The following SLC25A45 variants were observed in gnomAD, a reference collection of about 807,000 sequenced individuals.
SLC25A45 encodes methylated amino-acid transporter SLC25A45.
Under a neutral mutation model 23.0 loss-of-function variants are expected in SLC25A45, and 22 were observed. That is an observed-to-expected ratio of 0.95 (90% confidence interval 0.68 to 1.36). SLC25A45 has a LOEUF of 1.36. Among genes scored for constraint, SLC25A45 ranks in the 40% most tolerant of loss-of-function variants. The probability of loss-of-function intolerance (pLI) is 0.00; values close to 1 mark genes in which losing one functional copy is unlikely to be tolerated. For synonymous variants in SLC25A45, 136 were observed against 155.0 expected (o/e 0.88, Z 0.91); for missense variants, 355 against 383.5 (o/e 0.93, Z 0.62).
chr11:65,379,509 A>G lies in SLC25A45; in HGVS notation c.206T>C (p.Val69Ala). The G allele has an allele frequency of 1.2e-6, 2 of 1,613,902 alleles. No individual in the cohort carries two copies. Among genetic ancestry groups the G allele is most frequent in the Non-Finnish European group, 1.7e-6 (2 of 1,179,806 alleles). ...ATAGACCCCAAACAGGACAGAGTTG[A>G]CCACAGCTATGCTGGCAATGGGGAA... Reference protein sequence around the residue: ...MSFPIASIAVVNSVLFGVYSN... With the variant: ...MSFPIASIAVANSVLFGVYSN... The change falls in exon 5 of 7, where the codon GTC (valine) becomes GCC (alanine). Residue 69 changes from valine (V) to alanine (A), a missense_variant. Physicochemically the swap from Val to Ala is moderately conservative, Grantham distance 64. Coordinates refer to ENST00000398802, the MANE Select transcript of SLC25A45 (RefSeq NM_182556.4).
Position 65,376,876 on chromosome 11 carries a change from G to A in SLC25A45, c.540C>T (p.Ile180=), listed in dbSNP as rs2137769672. 1.9e-6 allele frequency: 3 copies of A among 1,614,232 alleles called. No homozygotes were observed. The highest frequency in any genetic ancestry group is 2.2e-5 in the East Asian group (1 of 44,882). Residue 180 remains isoleucine (I), a synonymous_variant, in exon 6 of 7, where the codon ATC becomes ATT. Coordinates refer to ENST00000398802, the MANE Select transcript of SLC25A45 (RefSeq NM_182556.4). ...LTLRDTPTVG[I]YFITYEGLCR... is the part of the protein sequence containing the mutation. ...AGAGCCCTTCATAGGTGATGAAGTA[G>A]ATCCCCACCGTGGGGGTGTCCCTCA...
chr11:65,377,490 T>TGGGAAAGGGTGG, intron 5 of SLC25A45: 2 of 888,414 alleles, frequency 2.3e-6, no homozygotes, highest in Non-Finnish European at 2.7e-6. Context: ...GAAACCACCC[T>TGGGAAAGGGTGG]TTCCCAGGGT....
rs574126096 is a variant in SLC25A45 at position 65,381,788 on chromosome 11, G to T, written c.37+127C>A. ...GCCCAGACTGGTCTCAAACTCCTGG[G>T]CTCAAGTGATCCTCCCGCCAGGCCG... On this transcript the variant is annotated intron_variant, in intron 2 of 6. Transcript: ENST00000398802. 3.0e-4 allele frequency: 352 copies of T among 1,189,586 alleles called. 1 individual carries two copies. The highest frequency in any genetic ancestry group is 1.8e-3 in the Middle Eastern group (9 of 5,028). 73.7% of individuals were successfully genotyped at this position (1,189,586 alleles called of 1,614,324 possible). A position where few individuals can be genotyped will look rare whatever the true frequency, so the allele number is the denominator to read the frequency against.
intron 5 of SLC25A45, chr11:65,379,076 T>C: frequency 2.5e-6 from 1 of 404,068 alleles, no homozygotes; most frequent in Non-Finnish European, 4.5e-6. Context: ...CCCACAGCTC[T>C]GAGGCTGGCA....
rs762762567 is a variant in SLC25A45 at position 65,377,040 on chromosome 11, G to A, written c.376C>T (p.Arg126Trp). The A allele has an allele frequency of 2.0e-5, 32 of 1,613,892 alleles. No homozygotes were observed. The highest frequency in any genetic ancestry group is 3.3e-5 in the Admixed American group (2 of 59,978). ...CTTGGCTCTGTCTGGTTTTGTAGCC[G>A]GACTTTGATGAGGTCAAAAGGAGCC... ...CLAPFDLIKV[R>W]LQNQTEPRAQ... Residue 126 changes from arginine (R) to tryptophan (W), a missense_variant, in exon 6 of 7, where the codon CGG becomes TGG. Transcript: ENST00000398802.
Position 65,376,970 on chromosome 11 carries a change from T to C in SLC25A45, c.446A>G (p.His149Arg), listed in dbSNP as rs199936582. The change falls in exon 6 of 7, where the codon CAC becomes CGC. Residue 149 changes from histidine (H) to arginine (R), a missense_variant. His to Arg is a conservative substitution (Grantham distance 29). Transcript: ENST00000398802. ...CTCCCGGAAGATGGAGGCTGCACAG[T>C]GCACGGGCCCCTGGTACCGGGGTGG... The part of the protein sequence containing the change: ...SPPPRYQGPV[H>R]CAASIFREEG... The C allele has an allele frequency of 9.2e-5, 149 of 1,613,146 alleles. 1 individual carries two copies. The highest frequency in any genetic ancestry group is 1.6e-5 in the Non-Finnish European group (19 of 1,179,558).
chr11:65,377,370 T>C (rs1855272110), intron 5 of SLC25A45: 1 of 1,256,990 alleles, frequency 8.0e-7, no homozygotes, highest in Non-Finnish European at 1.0e-6. Context: ...GCCTGGATTC[T>C]TTTTGCAGGA....
rs757661112 is a variant in SLC25A45, at chr11:65,376,491, C to T, written c.783G>A (p.Gly261=). 6.8e-6 allele frequency: 11 copies of T among 1,614,032 alleles called. No individual in the cohort carries two copies. Among genetic ancestry groups the T allele is most frequent in the Non-Finnish European group, 9.3e-6 (11 of 1,180,034 alleles). The change falls in exon 7 of 7, where the codon GGG becomes GGA. Residue 261 remains glycine (G), a synonymous_variant. Transcript: ENST00000398802. ...RQEGLGVFFR[G]VTINSARAFP... The stretch of plus-strand genomic sequence containing the variant: ...AGGCGCGGGCACTGTTGATGGTGAC[C>T]CCCCGGAAGAAGACTCCCAGTCCTT...
In SLC25A45 at chr11:65,381,787, G is replaced by A. The variant is rs1855573091; in HGVS notation, c.37+128C>T. The A allele has an allele frequency of 5.1e-6, 6 of 1,176,816 alleles. No individual in the cohort carries two copies. The South Asian group carries it at 7.3e-5, about 14-fold the overall frequency. The allele number at this position is 1,176,816 out of a possible 1,614,324, so 72.9% of individuals were successfully genotyped here. A position where few individuals can be genotyped will look rare whatever the true frequency, so the allele number is the denominator to read the frequency against. On this transcript the variant is annotated intron_variant, in intron 2 of 6. Coordinates refer to ENST00000398802, the MANE Select transcript of SLC25A45 (RefSeq NM_182556.4). ...TGCCCAGACTGGTCTCAAACTCCTG[G>A]GCTCAAGTGATCCTCCCGCCAGGCC... is the stretch of plus-strand genomic sequence containing the variant.
rs771887352 is a variant in SLC25A45 at position 65,376,433 on chromosome 11, C to A, written c.841G>T (p.Glu281Ter). Residue 281 changes from glutamate (E) to a stop codon, truncating the protein, a stop_gained, in exon 7 of 7, where the codon GAA (glutamate) becomes TAA (stop). Coordinates refer to ENST00000398802, the MANE Select transcript of SLC25A45 (RefSeq NM_182556.4). LOFTEE classifies it high-confidence loss of function. ...PVNAVTFLSY[E>*]YLLRWWG is the part of the protein sequence containing the mutation. The stretch of plus-strand genomic sequence containing the variant: ...CATCCCCACCAGCGGAGGAGATATT[C>A]GTAGCTGAGGAAGGTGACAGCATTG... The A allele has an allele frequency of 2.5e-6, 4 of 1,614,036 alleles. No homozygotes were observed. Among genetic ancestry groups the A allele is most frequent in the Non-Finnish European group, 3.4e-6 (4 of 1,179,886 alleles).
intron 5 of SLC25A45, 23 bp from the exon 6 acceptor site, chr11:65,377,099 GC>G (rs1364576535): frequency 3.1e-6 from 5 of 1,604,126 alleles, no homozygotes; most frequent in Non-Finnish European, 4.3e-6. Context: ...AAACATGAGG[GC>G]CCCGGGTGGG....
rs747616881 is a variant in SLC25A45 at position 65,376,767 on chromosome 11, T to A, written c.598+51A>T. 16 of 1,614,008 alleles carry A rather than the reference T, an allele frequency of 9.9e-6. No individual in the cohort carries two copies. The South Asian group carries it at 1.8e-4, about 18-fold the overall frequency. On this transcript the variant is annotated intron_variant, in intron 6 of 6. Coordinates refer to ENST00000398802, the MANE Select transcript of SLC25A45 (RefSeq NM_182556.4). Reference sequence around the variant, plus strand: ...TCCTTCCCCAGTCCCCGCTGGACCCTGCCTGCTACCCACACCTCTGTCCCC... The same window carrying A: ...TCCTTCCCCAGTCCCCGCTGGACCCAGCCTGCTACCCACACCTCTGTCCCC...
chr11:65,376,615 G>A lies in SLC25A45; in HGVS notation c.659C>T (p.Thr220Met), dbSNP rs1248005144. The A allele has an allele frequency of 9.9e-6, 16 of 1,614,002 alleles. No individual in the cohort carries two copies. The highest frequency in any genetic ancestry group is 3.3e-4 in the Middle Eastern group (2 of 6,062). ...FAGIASWVAA[T>M]PLDMIKSRMQ... ...CCGGGACTTGATCATGTCTAAGGGC[G>A]TGGCTGCCACCCAGGAAGCAATGCC... The change falls in exon 7 of 7, where the codon ACG becomes ATG. Residue 220 changes from threonine (T) to methionine (M), a missense_variant. By Grantham distance (81) the Thr-to-Met change is moderately conservative. Coordinates refer to ENST00000398802, the MANE Select transcript of SLC25A45 (RefSeq NM_182556.4).
Position 65,375,952 on chromosome 11 carries a change from C to T in SLC25A45, c.*455G>A, listed in dbSNP as rs1422988359. The T allele has an allele frequency of 3.0e-5, 5 of 166,792 alleles. No individual in the cohort carries two copies. Among genetic ancestry groups the T allele is most frequent in the Non-Finnish European group, 5.2e-5 (4 of 76,822 alleles). The allele number at this position is 166,792 out of a possible 1,614,324, so 10.3% of individuals were successfully genotyped here. ...TGGCGGGCGCCTATAGTCCCAGCTA[C>T]TTGGGAGGCTGAGGCAGGAGAGTTG... On this transcript the variant is annotated 3_prime_UTR_variant, in exon 7 of 7. Transcript: ENST00000398802.
In SLC25A45 at chr11:65,379,427, C is replaced by T. The variant is rs771856566; in HGVS notation, c.288G>A (p.Pro96=). 51 of 1,612,854 alleles carry T rather than the reference C, an allele frequency of 3.2e-5. No individual in the cohort carries two copies. The highest frequency in any genetic ancestry group is 1.8e-4 in the East Asian group (8 of 44,894). The change falls in exon 5 of 7, where the codon CCG becomes CCA. Residue 96 remains proline, a synonymous_variant. Coordinates refer to ENST00000398802, the MANE Select transcript of SLC25A45 (RefSeq NM_182556.4). ...CTAGGAAGATGTGCATGTAGCTGGG[C>T]GGCTGGGCCCGCCGCTCCTGGTGGG... ...ATSHQERRAQ[P]PSYMHIFLAG... is the part of the protein sequence containing the mutation.
In SLC25A45 at chr11:65,376,538, T is replaced by G. The variant is rs201603322; in HGVS notation, c.736A>C (p.Met246Leu). 46 of 1,614,206 alleles carry G rather than the reference T, an allele frequency of 2.8e-5. No homozygotes were observed. The African/African-American group carries it at 5.2e-4, about 18-fold the overall frequency. The change falls in exon 7 of 7, where the codon ATG (methionine) becomes CTG (leucine). Residue 246 changes from methionine to leucine, a missense_variant. By Grantham distance (15) the Met-to-Leu change is conservative (BLOSUM62 2). Transcript: ENST00000398802. Reference protein sequence around the residue: ...RRVYQGMLDCMVSSIRQEGLG... With the variant: ...RRVYQGMLDCLVSSIRQEGLG... ...CCTTCCTGCCGGATGCTGCTCACCA[T>G]GCAGTCCAGCATCCCCTGGTACACT...
chr11:65,380,619 A>G lies in SLC25A45; in HGVS notation c.38-444T>C, dbSNP rs1418093166. The G allele has an allele frequency of 2.3e-6, 3 of 1,292,442 alleles. No individual in the cohort carries two copies. The South Asian group carries it at 3.7e-5, about 16-fold the overall frequency. The allele number at this position is 1,292,442 out of a possible 1,614,324, so 80.1% of individuals were successfully genotyped here. On this transcript the variant is annotated intron_variant, in intron 2 of 6. Transcript: ENST00000398802. ...AGGCCCTGCTGCCAGCTGGCCACGC[A>G]GAACTGCAGGGCCCTGATGGGGGTC... is the stretch of plus-strand genomic sequence containing the variant.
rs776759980 is a variant in SLC25A45, at chr11:65,376,461, G to A, written c.813C>T (p.Pro271=). ...GVTINSARAF[P]VNAVTFLSYE... is the part of the protein sequence containing the mutation. ...AGCTGAGGAAGGTGACAGCATTGAC[G>A]GGAAAGGCGCGGGCACTGTTGATGG... is the stretch of plus-strand genomic sequence containing the variant. Residue 271 remains proline, a synonymous_variant, in exon 7 of 7, where the codon CCC becomes CCT. Coordinates refer to ENST00000398802, the MANE Select transcript of SLC25A45 (RefSeq NM_182556.4). 35 of 1,614,202 alleles carry A rather than the reference G, an allele frequency of 2.2e-5. No homozygotes were observed. The highest frequency in any genetic ancestry group is 2.2e-5 in the East Asian group (1 of 44,884).
At chr11:65,378,952 A>T in intron 5 of SLC25A45, 2 of 183,538 alleles carry the variant, frequency 1.1e-5, no homozygotes, top group Non-Finnish European at 2.3e-5. Flanking sequence ...AGAGCCAGGC[A>T]GGGCCAGGGG....
Sources: allele counts gnomAD v4.1 joint callset, GRCh38; gene constraint gnomAD v4.1.1; transcripts MANE v1.5; gene names NCBI Gene and HGNC (gene_info 2026-07-23, HGNC 2026-07-21).